Variants in NELL1 observed in about 807,000 individuals in gnomAD.
NELL1 encodes the protein protein kinase C-binding protein NELL1.
In NELL1, 76 loss-of-function variants were observed where a neutral mutation model predicts 107.4. That is an observed-to-expected ratio of 0.71 (90% CI 0.59 to 0.86). The LOEUF (loss-of-function observed/expected upper bound fraction) is 0.86, where lower values mean the gene tolerates loss of function less well. NELL1 is among the 40% of genes least tolerant of loss of function. NELL1 has a pLI of 0.00. For missense variants in NELL1, 1,024 were observed against 1,005.5 expected, an observed-to-expected ratio of 1.02 and a Z score of -0.25; for synonymous variants, 353 against 341.2, an observed-to-expected ratio of 1.03 and a Z score of -0.38.
At chr11:20,802,015 G>A (rs1564914840) in intron 3 of NELL1, among the ~76,000 whole-genome samples, 1 of 152,172 alleles carries the variant, frequency 6.6e-6, no homozygotes, top group Non-Finnish European at 1.5e-5. Flanking sequence ...GTCAGGTAAT[G>A]TGATTCCTCC....
chr11:21,009,242 T>A (rs1489540186), intron 12 of NELL1, among the ~76,000 whole-genome samples: 2 of 152,168 alleles, frequency 1.3e-5, no homozygotes, highest in Admixed American at 6.5e-5. Context: ...CCCTATGTTG[T>A]TTCACATCAA....
chr11:21,082,926 C>T (rs1397635824), intron 12 of NELL1, among the ~76,000 whole-genome samples: 1 of 152,174 alleles, frequency 6.6e-6, no homozygotes, highest in Non-Finnish European at 1.5e-5. Context: ...CTTTATTTTT[C>T]CTGTAGCCTG....
chr11:21,190,660 T>A lies in NELL1; in HGVS notation c.1427-38672T>A, dbSNP rs188229255. Reference sequence around the variant, plus strand: ...GTGATCAGATATTCTGACAACTAAATACAGGATGCTCAGGGACAGCCCTGG... The same window carrying A: ...GTGATCAGATATTCTGACAACTAAAAACAGGATGCTCAGGGACAGCCCTGG... On this transcript the variant is annotated intron_variant, in intron 13 of 19. Transcript: ENST00000357134. Among the ~76,000 whole-genome samples the A allele has an allele frequency of 6.2e-4, 94 of 151,950 alleles. 1 individual carries two copies. Among genetic ancestry groups the A allele is most frequent in the African/African-American group, 2.1e-3 (85 of 41,252 alleles).
chr11:21,476,040 T>A (rs1431848571), intron 15 of NELL1, among the ~76,000 whole-genome samples: 1 of 152,238 alleles, frequency 6.6e-6, no homozygotes, highest in Admixed American at 6.5e-5. Context: ...CATGTACAGT[T>A]AATTACTCAT....
At chr11:21,277,187 C>G (rs1441056971) in intron 14 of NELL1, among the ~76,000 whole-genome samples, 1 of 151,966 alleles carries the variant, frequency 6.6e-6, no homozygotes, top group African/African-American at 2.4e-5. Context: ...ACAATGAACT[C>G]AAACAAATCT....
intron 5 of NELL1, among the ~76,000 whole-genome samples, chr11:20,893,574 A>G (rs921240357): frequency 6.6e-6 from 1 of 151,842 alleles, no homozygotes; most frequent in African/African-American, 2.4e-5. Context: ...TCAAAATAAT[A>G]GAAATCATGT....
intron 12 of NELL1, among the ~76,000 whole-genome samples, chr11:21,106,390 T>A (rs766484587): frequency 5.3e-5 from 8 of 152,156 alleles, no homozygotes; most frequent in Non-Finnish European, 1.0e-4. Flanking sequence ...TTAAAGCACT[T>A]AAAACTTCCT....
At chr11:21,241,337 C>T (rs1233173569) in intron 14 of NELL1, among the ~76,000 whole-genome samples, 2 of 152,248 alleles carry the variant, frequency 1.3e-5, no homozygotes, top group East Asian at 1.9e-4. Flanking sequence ...ATGTCCACAT[C>T]AGCTCAGGTT....
intron 15 of NELL1, among the ~76,000 whole-genome samples, chr11:21,450,406 T>A (rs1853548110): frequency 6.6e-6 from 1 of 152,230 alleles, no homozygotes; most frequent in Admixed American, 6.5e-5. Flanking sequence ...TAGTGTATTT[T>A]GAAAATGTAC....
intron 5 of NELL1, among the ~76,000 whole-genome samples, chr11:20,900,545 G>A (rs990504232): frequency 2.6e-5 from 4 of 152,022 alleles, no homozygotes; most frequent in African/African-American, 9.7e-5. Context: ...CACATCCAAG[G>A]AAATAATTCC....
At chr11:20,872,242 G>A (rs12289008) in intron 4 of NELL1, among the ~76,000 whole-genome samples, 1 of 147,534 alleles carries the variant, frequency 6.8e-6, no homozygotes, top group Non-Finnish European at 1.5e-5. Context: ...GGCACAATCT[G>A]GGCTCACTGT....
At chr11:20,707,764 G>A (rs751385045) in intron 2 of NELL1, among the ~76,000 whole-genome samples, 8 of 152,208 alleles carry the variant, frequency 5.3e-5, no homozygotes, top group Non-Finnish European at 1.2e-4. Context: ...GCTGTAAGAG[G>A]TGTCAGTCGG....
intron 12 of NELL1, among the ~76,000 whole-genome samples, chr11:21,109,193 A>G (rs11822567): frequency 0.32 from 48,165 of 151,858 alleles, 8,172 homozygotes; most frequent in South Asian, 0.43. Context: ...AGTATCTAGC[A>G]TAGTGTCTGA....
At chr11:20,974,282 G>T (rs1318096922) in intron 12 of NELL1, among the ~76,000 whole-genome samples, 3 of 152,134 alleles carry the variant, frequency 2.0e-5, no homozygotes, top group African/African-American at 7.2e-5. Flanking sequence ...TTTGTGTCAG[G>T]CATTGTGCTA....
At chr11:21,169,599 A>G (rs977114260) in intron 13 of NELL1, 1 of 335,662 alleles carries the variant, frequency 3.0e-6, no homozygotes. Context: ...TGCTAATTGG[A>G]GCTTTATTTT....
chr11:20,883,545 A>G (rs1849448908), intron 4 of NELL1, among the ~76,000 whole-genome samples: 1 of 152,236 alleles, frequency 6.6e-6, no homozygotes, highest in Non-Finnish European at 1.5e-5. Flanking sequence ...AACATTTTCA[A>G]TTTATTAGTA....
chr11:21,409,516 G>T (rs891890959), intron 15 of NELL1, among the ~76,000 whole-genome samples: 1 of 151,634 alleles, frequency 6.6e-6, no homozygotes, highest in African/African-American at 2.4e-5. Context: ...CACCAGTATG[G>T]CACATGTATA....
At chr11:20,839,981 G>A (rs556575700) in intron 3 of NELL1, among the ~76,000 whole-genome samples, 23 of 152,306 alleles carry the variant, frequency 1.5e-4, no homozygotes, top group Non-Finnish European at 2.5e-4. Flanking sequence ...GAGGCTTGAG[G>A]CCAAAATGTT....
At chr11:21,315,709 T>A (rs990452148) in intron 14 of NELL1, among the ~76,000 whole-genome samples, 1 of 152,218 alleles carries the variant, frequency 6.6e-6, no homozygotes, top group Admixed American at 6.5e-5. Flanking sequence ...TTGTTTCCCC[T>A]GCAGAGTTAG....
Sources: allele counts gnomAD v4.1 joint callset (sites outside exome capture counted in the v4.1 genomes callset), GRCh38; gene constraint gnomAD v4.1.1; transcripts MANE v1.5; gene names NCBI Gene and HGNC (gene_info 2026-07-23, HGNC 2026-07-21).